Variants in NUDT3 observed in about 807,000 individuals in gnomAD.
NUDT3 encodes the protein diphosphoinositol polyphosphate phosphohydrolase 1.
NUDT3 carries 9 observed loss-of-function variants against 23.6 expected under a neutral mutation model. The observed-to-expected ratio is 0.38, with a 90% confidence interval of 0.23 to 0.66. The LOEUF is 0.66. Among genes scored for constraint, NUDT3 ranks in the 30% least tolerant of loss-of-function variants. The pLI is 0.52. For missense variants in NUDT3, 172 were observed against 218.5 expected (o/e 0.79, Z 1.34); for synonymous variants, 86 against 82.6 (o/e 1.04, Z -0.22).
At chr6:34,324,567 G>C (rs1763994599) in intron 2 of NUDT3, among the ~76,000 whole-genome samples, 1 of 152,134 alleles carries the variant, frequency 6.6e-6, no homozygotes, top group Non-Finnish European at 1.5e-5. Context: ...ACTGCACCCA[G>C]CATGTCTCCA....
At chr6:34,379,928 A>G (rs992730357) in intron 1 of NUDT3, among the ~76,000 whole-genome samples, 6 of 151,718 alleles carry the variant, frequency 4.0e-5, no homozygotes, top group African/African-American at 1.5e-4. Flanking sequence ...AATCCCTTGA[A>G]CCTGGGAGGT....
At chr6:34,379,746 GGTTCATGCTT>G (rs1463325003) in intron 1 of NUDT3, among the ~76,000 whole-genome samples, 1 of 151,742 alleles carries the variant, frequency 6.6e-6, no homozygotes, top group Non-Finnish European at 1.5e-5. Context: ...CAGGCGCGGT[GGTTCATGCTT>G]GTAATCTCAG....
chr6:34,362,535 C>G (rs1324875799), intron 1 of NUDT3, among the ~76,000 whole-genome samples: 1 of 151,958 alleles, frequency 6.6e-6, no homozygotes, highest in Non-Finnish European at 1.5e-5. Flanking sequence ...ACTAAAGGTT[C>G]AATATAAACT....
chr6:34,375,183 A>C (rs1764901587), intron 1 of NUDT3, among the ~76,000 whole-genome samples: 1 of 152,082 alleles, frequency 6.6e-6, no homozygotes, highest in African/African-American at 2.4e-5. Flanking sequence ...TCTCTACTAA[A>C]AAATACAAAA....
chr6:34,375,376 T>C (rs2113763240), intron 1 of NUDT3, among the ~76,000 whole-genome samples: 1 of 152,154 alleles, frequency 6.6e-6, no homozygotes, highest in South Asian at 2.1e-4. Context: ...AATAAAAAAG[T>C]TACCAGAGTT....
chr6:34,327,360 C>G (rs1425197984), intron 2 of NUDT3, among the ~76,000 whole-genome samples: 1 of 151,774 alleles, frequency 6.6e-6, no homozygotes, highest in African/African-American at 2.4e-5. Context: ...GAAACCCTGT[C>G]TCTACTAAAA....
chr6:34,383,328 C>T (rs918436129), intron 1 of NUDT3, among the ~76,000 whole-genome samples: 3 of 151,986 alleles, frequency 2.0e-5, no homozygotes, highest in Admixed American at 2.0e-4. Context: ...GTTTTATGAA[C>T]AAAGAGATCA....
Position 34,340,776 on chromosome 6 carries a change from G to T in NUDT3, c.210+1086C>A, listed in dbSNP as rs190844019. ...GTTCACCTAGCTGTGTACTAGGCAT[G>T]GAAAGTAAGGATTTTTGATGGGAAA... On this transcript the variant is annotated intron_variant, in intron 2 of 4. Coordinates refer to ENST00000607016, the MANE Select transcript of NUDT3 (RefSeq NM_006703.4). Among the ~76,000 whole-genome samples the T allele has an allele frequency of 3.4e-3, 519 of 152,294 alleles. 5 individuals carry two copies. The highest frequency in any genetic ancestry group is 7.6e-3 in the Admixed American group (117 of 15,296).
chr6:34,335,972 C>T (rs1367929380), intron 2 of NUDT3, among the ~76,000 whole-genome samples: 4 of 151,854 alleles, frequency 2.6e-5, no homozygotes, highest in African/African-American at 9.7e-5. Context: ...TACATGTATA[C>T]AATATATAAT....
intron 2 of NUDT3, among the ~76,000 whole-genome samples, chr6:34,297,405 T>A (rs1022277568): frequency 6.6e-6 from 1 of 151,884 alleles, no homozygotes; most frequent in Non-Finnish European, 1.5e-5. Flanking sequence ...AGTTCTGTAC[T>A]CTGATCCCAG....
intron 2 of NUDT3, among the ~76,000 whole-genome samples, chr6:34,333,061 G>A (rs746545080): frequency 2.4e-4 from 37 of 152,262 alleles, no homozygotes; most frequent in Non-Finnish European, 2.1e-4. Flanking sequence ...TGCTGCCCTA[G>A]TCTAAAGAGG....
At chr6:34,346,024 C>T (rs1341446011) in intron 1 of NUDT3, among the ~76,000 whole-genome samples, 1 of 152,134 alleles carries the variant, frequency 6.6e-6, no homozygotes, top group East Asian at 1.9e-4. Context: ...CCGCCTTGGC[C>T]TCCCAAAGTG....
At chr6:34,300,671 A>G (rs1763585351) in intron 2 of NUDT3, among the ~76,000 whole-genome samples, 1 of 152,238 alleles carries the variant, frequency 6.6e-6, no homozygotes, top group Non-Finnish European at 1.5e-5. Context: ...AAGCTGACCC[A>G]GTGCCCTGAT....
rs206932 is a variant in NUDT3 at position 34,334,256 on chromosome 6, T to G, written c.210+7606A>C. Among the ~76,000 whole-genome samples the G allele has an allele frequency of 2.4e-3, 365 of 152,378 alleles. 2 individuals are homozygous for G. Among genetic ancestry groups the G allele is most frequent in the African/African-American group, 8.3e-3 (347 of 41,594 alleles). On this transcript the variant is annotated intron_variant, in intron 2 of 4. Coordinates refer to ENST00000607016, the MANE Select transcript of NUDT3 (RefSeq NM_006703.4). ...AAAGGGCACATTGCAGTTGCATTTC[T>G]GTAGCTGTTCTAACAGTGAGGTCAA...
intron 2 of NUDT3, among the ~76,000 whole-genome samples, chr6:34,327,006 G>A (rs1017616716): frequency 6.6e-6 from 1 of 152,070 alleles, no homozygotes; most frequent in Non-Finnish European, 1.5e-5. Flanking sequence ...TGGGCCCGGG[G>A]GGACTACTAC....
At chr6:34,381,317 T>TAA (rs1210838027) in intron 1 of NUDT3, among the ~76,000 whole-genome samples, 1 of 152,148 alleles carries the variant, frequency 6.6e-6, no homozygotes, top group Non-Finnish European at 1.5e-5. Context: ...GCACCCGGCC[T>TAA]AAATTGCATC....
At chr6:34,329,726 T>C (rs550144620) in intron 2 of NUDT3, among the ~76,000 whole-genome samples, 2 of 152,324 alleles carry the variant, frequency 1.3e-5, no homozygotes, top group East Asian at 3.9e-4. Flanking sequence ...TATGTATACA[T>C]GTGCCATGTT....
chr6:34,374,001 C>T (rs909995450), intron 1 of NUDT3, among the ~76,000 whole-genome samples: 11 of 151,424 alleles, frequency 7.3e-5, no homozygotes, highest in South Asian at 2.1e-4. Context: ...TTAAAAAATA[C>T]AAAAAATTAG....
At position 34,379,978 on chromosome 6, in the gene NUDT3, G is replaced by A. The variant is rs556065317; in HGVS notation, c.99+12286C>T. On this transcript the variant is annotated intron_variant, in intron 1 of 4. Coordinates refer to ENST00000607016, the MANE Select transcript of NUDT3 (RefSeq NM_006703.4). ...GCTGAGATCGAGCCATTACACTCCA[G>A]CATGGACAAGAGTGAACTCCATCTT... Among the ~76,000 whole-genome samples the A allele has an allele frequency of 9.2e-5, 14 of 151,596 alleles. No individual in the cohort carries two copies. The South Asian group carries it at 1.2e-3, about 14-fold the overall frequency.
Sources: allele counts gnomAD v4.1 joint callset (sites outside exome capture counted in the v4.1 genomes callset), GRCh38; gene constraint gnomAD v4.1.1; transcripts MANE v1.5; gene names NCBI Gene and HGNC (gene_info 2026-07-23, HGNC 2026-07-21).